The following RELT variants were observed in gnomAD, a reference collection of about 807,000 sequenced individuals.
The protein encoded by RELT is RELT TNF receptor, also known as tumor necrosis factor receptor superfamily member 19L.
RELT carries 37 observed loss-of-function variants against 51.1 expected under a neutral mutation model. That is an observed-to-expected ratio of 0.72 (90% CI 0.56 to 0.95). RELT has a LOEUF of 0.95. Ranked by LOEUF, RELT falls within the 40% of genes least tolerant of loss-of-function variation. The pLI is 0.00. For synonymous variants in RELT, 241 were observed against 235.7 expected, an observed-to-expected ratio of 1.02 and a Z score of -0.21; for missense variants, 535 against 572.6, an observed-to-expected ratio of 0.93 and a Z score of 0.67.
At chr11:73,384,001 A>C (rs922826271) in intron 1 of RELT, among the ~76,000 whole-genome samples, 1 of 152,132 alleles carries the variant, frequency 6.6e-6, no homozygotes, top group Non-Finnish European at 1.5e-5. Context: ...GTTTCCAGGC[A>C]ACCCTAGCCT....
At chr11:73,392,620 G>A (rs1478023890) in intron 6 of RELT, 152 bp downstream of exon 6, 7 of 1,407,336 alleles carry the variant, frequency 5.0e-6, no homozygotes, top group Non-Finnish European at 6.6e-6. Context: ...AACATGGGAG[G>A]AAAGGTAAGG....
chr11:73,380,868 G>A (rs7122560), intron 1 of RELT, among the ~76,000 whole-genome samples: 42,478 of 152,096 alleles, frequency 0.28, 7,489 homozygotes, highest in African/African-American at 0.5. Context: ...CTCTGGACAG[G>A]GAGAATACCC....
chr11:73,395,043 C>A lies in RELT; in HGVS notation c.1047-44C>A, dbSNP rs28641751. 5.3e-5 allele frequency: 82 copies of A among 1,533,858 alleles called. No homozygotes were observed. In the African/African-American group the frequency reaches 9.9e-4, roughly 19 times the overall value. ...GGCACGTGCTGCCTTCTCTGTGCCC[C>A]GGGATCCCCGCTAACGGGGATGATT... is the stretch of plus-strand genomic sequence containing the variant. On this transcript the variant is annotated intron_variant, in intron 9 of 10. Coordinates refer to ENST00000064780, the MANE Select transcript of RELT (RefSeq NM_152222.2).
rs1565224109 is a variant in RELT at position 73,394,256 on chromosome 11, G to A, written c.727G>A (p.Glu243Lys). Residue 243 changes from glutamate (E) to lysine (K), a missense_variant, in exon 8 of 11, where the codon GAG (glutamate) becomes AAG (lysine). By Grantham distance (56) the Glu-to-Lys change is moderately conservative. Coordinates refer to ENST00000064780, the MANE Select transcript of RELT (RefSeq NM_152222.2). The surrounding 1 kb of genome is among the most constrained non-coding windows in gnomAD (Gnocchi z 4.9). ...CACAGAGAATGCTGCGGCCCTGGAG[G>A]AGCTGCTGAAAGAGTACCACAGCAA... ...EKKENAAALE[E>K]LLKEYHSKQL... 1 of 1,610,334 alleles carries A rather than the reference G, an allele frequency of 6.2e-7. No individual in the cohort carries two copies. The highest frequency in any genetic ancestry group is 2.2e-5 in the East Asian group (1 of 44,776).
rs764896006 is a variant in RELT at position 73,381,873 on chromosome 11, A to C, written c.-26+5374A>C. Among the ~76,000 whole-genome samples the C allele has an allele frequency of 2.6e-5, 4 of 152,088 alleles. No homozygotes were observed. In the South Asian group the frequency reaches 8.3e-4, roughly 32 times the overall value. On this transcript the variant is annotated intron_variant, in intron 1 of 10. Coordinates refer to ENST00000064780, the MANE Select transcript of RELT (RefSeq NM_152222.2). ...ACTTGTGCTGCCAGGGTTTACGTGG[A>C]GTTCCCCAAAGCACTCTTGCCACAC...
chr11:73,389,748 G>A (rs1319307617), intron 2 of RELT, among the ~76,000 whole-genome samples: 1 of 152,240 alleles, frequency 6.6e-6, no homozygotes, highest in African/African-American at 2.4e-5. Flanking sequence ...CTTGCTAAGG[G>A]TTGCTCCATG....
chr11:73,394,076 T>TC lies in RELT; in HGVS notation c.707-159dup. ...GCTCTCTGACCCAGGAGTGCACACC[T>TC]CTGCCTCCCATTCTTGCCTGATGAA... On this transcript the variant is annotated intron_variant, in intron 7 of 10. Transcript: ENST00000064780. This position sits in a 1 kb window ranked among gnomAD's most constrained non-coding sequence, Gnocchi z 4.9. 7 of 940,518 alleles carry TC rather than the reference T, an allele frequency of 7.4e-6. No individual in the cohort carries two copies. The highest frequency in any genetic ancestry group is 7.3e-5 in the South Asian group (5 of 68,830). 58.3% of individuals were successfully genotyped at this position (940,518 alleles called of 1,614,324 possible). A position where few individuals can be genotyped will look rare whatever the true frequency, so the allele number is the denominator to read the frequency against.
intron 5 of RELT, among the ~76,000 whole-genome samples, chr11:73,391,685 G>A (rs536576766): frequency 7.2e-5 from 11 of 152,226 alleles, no homozygotes; most frequent in African/African-American, 2.2e-4. Context: ...AGGCTGAGGC[G>A]GGAGGATTGC....
intron 2 of RELT, among the ~76,000 whole-genome samples, chr11:73,390,227 A>C (rs1450211852): frequency 6.6e-6 from 1 of 152,086 alleles, no homozygotes; most frequent in East Asian, 1.9e-4. Flanking sequence ...ACGAGAGAGG[A>C]TTCGGAAGCA....
At chr11:73,386,313 A>G (rs1866123063) in intron 1 of RELT, among the ~76,000 whole-genome samples, 1 of 152,186 alleles carries the variant, frequency 6.6e-6, no homozygotes, top group African/African-American at 2.4e-5. Flanking sequence ...CTGACTGCCC[A>G]GCCTTTAGGA....
At chr11:73,384,437 C>T (rs1866092724) in intron 1 of RELT, 1 of 152,298 alleles carries the variant, frequency 6.6e-6, no homozygotes, top group Admixed American at 6.5e-5. Context: ...TTCTCCTCCA[C>T]ATTCCACACG....
rs746606081 is a variant in RELT, at chr11:73,394,334, G to C, written c.788+17G>C. 3.1e-6 allele frequency: 5 copies of C among 1,612,816 alleles called. No individual in the cohort carries two copies. In the South Asian group the frequency reaches 5.5e-5, roughly 18 times the overall value. On this transcript the variant is annotated intron_variant, in intron 8 of 10. Transcript: ENST00000064780. This position sits in a 1 kb window ranked among gnomAD's most constrained non-coding sequence, Gnocchi z 4.9. The stretch of plus-strand genomic sequence containing the variant: ...TGTGTCCAAGTGAGTGGGCTGGTGG[G>C]AGATAACGGGGCCAAAACCTACATT...
chr11:73,390,654 C>A (rs770865530), intron 3 of RELT, 29 bp downstream of exon 3: 4 of 1,612,432 alleles, frequency 2.5e-6, no homozygotes, highest in Non-Finnish European at 3.4e-6. Context: ...TCCTGCCTGT[C>A]CTGGGAGGGC....
chr11:73,395,607 C>T lies in RELT; in HGVS notation c.*116C>T, dbSNP rs1347487999. 13 of 752,524 alleles carry T rather than the reference C, an allele frequency of 1.7e-5. No individual in the cohort carries two copies. The highest frequency in any genetic ancestry group is 2.8e-5 in the South Asian group (2 of 71,372). The allele number at this position is 752,524 out of a possible 1,614,324, so 46.6% of individuals were successfully genotyped here. On this transcript the variant is annotated 3_prime_UTR_variant, in exon 11 of 11. Transcript: ENST00000064780. ...GACCGAGAAGCAATGGCCCAGCAGA[C>T]GAGACAGCAAAGACCAAGGCCTGGA...
intron 1 of RELT, among the ~76,000 whole-genome samples, chr11:73,380,738 C>G (rs1173035160): frequency 3.3e-5 from 5 of 152,170 alleles, no homozygotes; most frequent in African/African-American, 1.2e-4. Flanking sequence ...TGGGGCCAGC[C>G]CTTCTGCCAG....
Position 73,393,707 on chromosome 11 carries a change from C to T in RELT, c.626-130C>T, listed in dbSNP as rs1026900438. 3 of 1,574,774 alleles carry T rather than the reference C, an allele frequency of 1.9e-6. No homozygotes were observed. In the East Asian group the frequency reaches 6.7e-5, roughly 35 times the overall value. On this transcript the variant is annotated intron_variant, in intron 6 of 10. Coordinates refer to ENST00000064780, the MANE Select transcript of RELT (RefSeq NM_152222.2). Reference sequence around the variant, plus strand: ...CCCACATTTGCAGGGCTCTGGGAGGCTTGTCACCTAAATGCACATGCTCAG... The same window carrying T: ...CCCACATTTGCAGGGCTCTGGGAGGTTTGTCACCTAAATGCACATGCTCAG...
intron 6 of RELT, chr11:73,392,773 G>T: frequency 3.0e-6 from 4 of 1,318,680 alleles, no homozygotes; most frequent in Non-Finnish European, 9.8e-7. Context: ...TGGTTCCAGG[G>T]TCGGATGGTG....
intron 4 of RELT, 44 bp downstream of exon 4, chr11:73,390,965 A>G (rs749749417): frequency 6.3e-7 from 1 of 1,596,494 alleles, no homozygotes; most frequent in Non-Finnish European, 8.5e-7. Context: ...CTGGGTGACC[A>G]GGACTCTGGA....
chr11:73,393,747 C>T (rs1363358867), intron 6 of RELT, 90 bp from the exon 7 acceptor site: 1 of 1,561,354 alleles, frequency 6.4e-7, no homozygotes, highest in Non-Finnish European at 8.8e-7. Flanking sequence ...CTTAAGAAGG[C>T]CAGGGTTGCC....
Sources: gnomAD v4.1 joint callset for allele counts (sites outside exome capture counted in the v4.1 genomes callset) on GRCh38, gnomAD v4.1.1 for gene constraint, Gnocchi (gnomAD v3.1) non-coding constraint, MANE v1.5 for transcripts, NCBI Gene and HGNC (gene_info 2026-07-23, HGNC 2026-07-21) for gene names.